Variants in EPG5 observed in about 807,000 individuals in gnomAD.
EPG5 encodes the protein ectopic P-granules 5 autophagy tethering factor.
Under a neutral mutation model 302.7 loss-of-function variants are expected in EPG5, and 159 were observed. The observed-to-expected ratio is 0.53, with a 90% CI of 0.46 to 0.60. EPG5 has a LOEUF of 0.60. Among genes scored for constraint, EPG5 ranks in the 20% least tolerant of loss-of-function variants. The pLI is 0.00. For synonymous variants in EPG5, 1,158 were observed against 1,136.8 expected (o/e 1.02, Z -0.37); for missense variants, 2,896 against 3,092.4 (o/e 0.94, Z 1.51).
At chr18:45,892,667 C>T (rs561688173) in intron 27 of EPG5, among the ~76,000 whole-genome samples, 2 of 152,298 alleles carry the variant, frequency 1.3e-5, no homozygotes, top group Admixed American at 1.3e-4. Flanking sequence ...TTAGAGCCTT[C>T]TACTGGGAAG....
intron 9 of EPG5, among the ~76,000 whole-genome samples, chr18:45,941,246 A>G (rs2050659732): frequency 6.6e-6 from 1 of 152,214 alleles, no homozygotes; most frequent in Non-Finnish European, 1.5e-5. Context: ...GAAGCCAAGG[A>G]AAGAAAATGT....
rs746408063 is a variant in EPG5 at position 45,901,085 on chromosome 18, C to T, written c.4557G>A (p.Val1519=). The change falls in exon 26 of 44, where the codon GTG becomes GTA. Residue 1519 remains valine (V), a synonymous_variant. Transcript: ENST00000282041. The part of the protein sequence containing the change: ...PLALHPTKPP[V]PVISSAVLLS... ...ATAGCACAGCAGAGGAAATAACTGGCACAGGAGGCTTCGTCGGGTGCAGAG... is the reference window on the plus strand; with the variant it reads ...ATAGCACAGCAGAGGAAATAACTGGTACAGGAGGCTTCGTCGGGTGCAGAG... 1.2e-6 allele frequency: 2 copies of T among 1,614,186 alleles called. No homozygotes were observed. Among genetic ancestry groups the T allele is most frequent in the Non-Finnish European group, 1.7e-6 (2 of 1,180,030 alleles).
At chr18:45,829,717 C>T in the EPG5 span, among the ~76,000 whole-genome samples, 61,779 of 151,854 alleles carry the variant, frequency 0.41, 13,311 homozygotes, top group East Asian at 0.53. Flanking sequence ...ACTGGCCACT[C>T]GTCAGCTGGT....
the EPG5 span, chr18:45,825,706 T>C: frequency 1.9e-6 from 3 of 1,614,036 alleles, no homozygotes; most frequent in Non-Finnish European, 2.5e-6. Context: ...GGGTCTGGCC[T>C]GGGGTGTTCA....
intron 26 of EPG5, 96 bp from the exon 27 acceptor site, chr18:45,899,662 C>T (rs2049561243): frequency 1.6e-6 from 2 of 1,244,904 alleles, no homozygotes; most frequent in Non-Finnish European, 2.3e-6. Context: ...CATTATAGTG[C>T]AGCAAAAGAC....
intron 26 of EPG5, among the ~76,000 whole-genome samples, chr18:45,899,965 G>A (rs2049569196): frequency 6.6e-6 from 1 of 152,222 alleles, no homozygotes; most frequent in South Asian, 2.1e-4. Flanking sequence ...CAAAGACCAA[G>A]AAAGCTAATC....
At chr18:45,854,034 G>A (rs1043881070) in intron 43 of EPG5, among the ~76,000 whole-genome samples, 29 of 152,182 alleles carry the variant, frequency 1.9e-4, no homozygotes, top group African/African-American at 7.0e-4. Flanking sequence ...AGGCAAAGAG[G>A]CCAGGCCTGG....
At chr18:45,814,317 C>T in the EPG5 span, among the ~76,000 whole-genome samples, 1 of 152,062 alleles carries the variant, frequency 6.6e-6, no homozygotes, top group African/African-American at 2.4e-5. Flanking sequence ...TTGTACTCTT[C>T]CAAAATGTTA....
chr18:45,925,873 A>T lies in EPG5; in HGVS notation c.2583T>A (p.Pro861=). The change falls in exon 14 of 44, where the codon CCT becomes CCA. Residue 861 remains proline, a synonymous_variant. Transcript: ENST00000282041. ...ATGCAGAAGGTTGCCAAAGATACAA[A>T]GGCAGTTCTTTAAACAAGTATAGAG... ...MVSLYLFKEL[P]LYLWQPSASE... The T allele has an allele frequency of 6.5e-7, 1 of 1,527,768 alleles. No individual in the cohort carries two copies. Among genetic ancestry groups the T allele is most frequent in the East Asian group, 2.4e-5 (1 of 41,748 alleles). 94.6% of individuals were successfully genotyped at this position (1,527,768 alleles called of 1,614,324 possible).
chr18:45,859,015 C>T (rs1212037988), intron 40 of EPG5, among the ~76,000 whole-genome samples: 2 of 152,192 alleles, frequency 1.3e-5, no homozygotes, highest in Non-Finnish European at 2.9e-5. Flanking sequence ...CTGTCCCCAG[C>T]GTAGCCACCA....
intron 24 of EPG5, 97 bp downstream of exon 24, chr18:45,907,861 T>C (rs1265672312): frequency 1.7e-5 from 21 of 1,230,790 alleles, no homozygotes; most frequent in Non-Finnish European, 2.2e-5. Flanking sequence ...CTACCCATTT[T>C]CTTATCAATA....
At position 45,910,579 on chromosome 18, in the gene EPG5, T is replaced by A; in HGVS notation, c.4147A>T (p.Ser1383Cys). The A allele has an allele frequency of 6.2e-7, 1 of 1,613,914 alleles. No homozygotes were observed. Among genetic ancestry groups the A allele is most frequent in the Non-Finnish European group, 8.5e-7 (1 of 1,179,954 alleles). Residue 1383 changes from serine to cysteine, a missense_variant, in exon 23 of 44, where the codon AGC (serine) becomes TGC (cysteine). Around this residue, in one of 5 missense-constraint regions of EPG5, gnomAD observed 790 missense variants for 798.0 expected, o/e 0.99. Transcript: ENST00000282041. ...PAEGSEGLPE[S>C]HSGTPGYLTS... ...AGGTAACCAGGGGTGCCAGAGTGGC[T>A]CTCTGGCAGCCCTTCACTGCCCTCT...
At chr18:45,876,664 G>A (rs145986438) in intron 34 of EPG5, among the ~76,000 whole-genome samples, 55 of 151,126 alleles carry the variant, frequency 3.6e-4, no homozygotes, top group East Asian at 1.9e-3. Flanking sequence ...TTCAAATGCC[G>A]TAGAAAAACA....
chr18:45,924,359 G>A (rs767675621), intron 14 of EPG5, among the ~76,000 whole-genome samples: 2 of 152,206 alleles, frequency 1.3e-5, no homozygotes, highest in Non-Finnish European at 2.9e-5. Flanking sequence ...TCTTGCCTAC[G>A]AGCATGTCAA....
intron 11 of EPG5, 117 bp downstream of exon 11, chr18:45,934,692 A>C: frequency 8.8e-7 from 1 of 1,140,592 alleles, no homozygotes; most frequent in Non-Finnish European, 1.2e-6. Flanking sequence ...ATCATTACAC[A>C]TGAGTATGTA....
chr18:45,938,318 C>A (rs961019629), intron 10 of EPG5, among the ~76,000 whole-genome samples: 1 of 151,996 alleles, frequency 6.6e-6, no homozygotes, highest in African/African-American at 2.4e-5. Context: ...AAAAATTAGC[C>A]GGGCATGATG....
intron 1 of EPG5, among the ~76,000 whole-genome samples, chr18:45,956,144 C>T (rs1462024426): frequency 2.0e-5 from 3 of 152,204 alleles, no homozygotes; most frequent in Non-Finnish European, 2.9e-5. Context: ...ATCAAAGTTA[C>T]ATCACCAGTA....
At chr18:45,836,498 C>A in the EPG5 span, among the ~76,000 whole-genome samples, 15 of 152,152 alleles carry the variant, frequency 9.9e-5, no homozygotes, top group Admixed American at 9.8e-4. Flanking sequence ...CCCTCTCCCC[C>A]AAAGCAGCAC....
At chr18:45,923,603 A>G (rs2050203593) in intron 14 of EPG5, among the ~76,000 whole-genome samples, 1 of 152,222 alleles carries the variant, frequency 6.6e-6, no homozygotes, top group East Asian at 1.9e-4. Context: ...TTTGAACCTG[A>G]CTTAACCCCT....
Sources: gnomAD v4.1 joint callset for allele counts (sites outside exome capture counted in the v4.1 genomes callset) on GRCh38, gnomAD v4.1.1 for gene constraint, gnomAD v4.1.1 regional missense constraint, MANE v1.5 for transcripts, NCBI Gene and HGNC (gene_info 2026-07-23, HGNC 2026-07-21) for gene names.